Variants in PHF21B observed in about 807,000 individuals in gnomAD.
The protein encoded by PHF21B is PHD finger protein 21B.
In PHF21B, 22 loss-of-function variants were observed where a neutral mutation model predicts 62.2. The observed-to-expected ratio is 0.35, with a 90% confidence interval of 0.25 to 0.51. The LOEUF (loss-of-function observed/expected upper bound fraction) is 0.51. Among genes scored for constraint, PHF21B ranks in the 20% least tolerant of loss-of-function variants. PHF21B has a pLI of 0.97. For missense variants in PHF21B, 701 were observed against 707.9 expected, an observed-to-expected ratio of 0.99 and a Z score of 0.11; for synonymous variants, 341 against 314.7, an observed-to-expected ratio of 1.08 and a Z score of -0.88.
chr22:44,943,726 C>T (rs935333614), intron 2 of PHF21B, among the ~76,000 whole-genome samples: 5 of 152,104 alleles, frequency 3.3e-5, no homozygotes, highest in East Asian at 1.9e-4. Context: ...ACTCCTGGGC[C>T]GTGTGACACT....
intron 2 of PHF21B, among the ~76,000 whole-genome samples, chr22:44,938,121 A>G (rs1183741090): frequency 6.6e-6 from 1 of 152,214 alleles, no homozygotes; most frequent in Admixed American, 6.5e-5. Context: ...GTCACCCAGG[A>G]TGGAGTGTAG....
intron 2 of PHF21B, among the ~76,000 whole-genome samples, chr22:44,975,441 C>T (rs9614997): frequency 6.6e-6 from 1 of 152,334 alleles, no homozygotes; most frequent in Non-Finnish European, 1.5e-5. Flanking sequence ...GGAGAGCAGG[C>T]GTCCCTCTAG....
At chr22:44,987,302 G>A (rs1013579767) in intron 2 of PHF21B, among the ~76,000 whole-genome samples, 1 of 150,888 alleles carries the variant, frequency 6.6e-6, no homozygotes, top group Non-Finnish European at 1.5e-5. Context: ...AACTAGCAAA[G>A]AGGTGAGAAG....
At chr22:44,937,486 G>A (rs1375368348) in intron 2 of PHF21B, among the ~76,000 whole-genome samples, 1 of 152,194 alleles carries the variant, frequency 6.6e-6, no homozygotes, top group Non-Finnish European at 1.5e-5. Context: ...GCAGGAGTGG[G>A]AGGCAGTGCG....
chr22:44,920,748 G>T (rs181391807), intron 2 of PHF21B, among the ~76,000 whole-genome samples: 1 of 152,196 alleles, frequency 6.6e-6, no homozygotes, highest in Non-Finnish European at 1.5e-5. Flanking sequence ...TCTTTTAAGT[G>T]AATTTTTTAT....
At chr22:44,987,709 C>G (rs1180370804) in intron 2 of PHF21B, among the ~76,000 whole-genome samples, 1 of 151,980 alleles carries the variant, frequency 6.6e-6, no homozygotes, top group Non-Finnish European at 1.5e-5. Context: ...CTCTTGAGGG[C>G]AGGCATTGAG....
chr22:44,973,841 C>A (rs1323849719), intron 2 of PHF21B, among the ~76,000 whole-genome samples: 1 of 152,194 alleles, frequency 6.6e-6, no homozygotes, highest in Non-Finnish European at 1.5e-5. Context: ...TAGCCCAGCA[C>A]TGGGAAGTCA....
chr22:44,990,492 G>T (rs896980923), intron 2 of PHF21B, among the ~76,000 whole-genome samples: 17 of 152,232 alleles, frequency 1.1e-4, no homozygotes, highest in African/African-American at 3.9e-4. Context: ...AAAAAGGAAG[G>T]AAGTTCTGAC....
At chr22:44,917,206 G>C (rs1364987966) in intron 3 of PHF21B, among the ~76,000 whole-genome samples, 2 of 152,238 alleles carry the variant, frequency 1.3e-5, no homozygotes, top group Non-Finnish European at 2.9e-5. Context: ...TCAGGCCAGG[G>C]CTCTGGACAG....
intron 2 of PHF21B, among the ~76,000 whole-genome samples, chr22:44,950,295 T>C (rs575175831): frequency 2.6e-5 from 4 of 152,354 alleles, no homozygotes; most frequent in African/African-American, 9.6e-5. Context: ...GACTCATTAA[T>C]CCCCTCTAAC....
At chr22:45,007,452 CGCGGGGGCGG>C in intron 2 of PHF21B, among the ~76,000 whole-genome samples, 1 of 144,406 alleles carries the variant, frequency 6.9e-6, no homozygotes, top group South Asian at 2.2e-4. Context: ...GGCGGGGGCG[CGCGGGGGCGG>C]GCCCGGAGCT....
At chr22:44,958,227 C>T (rs886097537) in intron 2 of PHF21B, among the ~76,000 whole-genome samples, 5 of 151,970 alleles carry the variant, frequency 3.3e-5, no homozygotes, top group Admixed American at 6.6e-5. Context: ...TTTGAGTGCA[C>T]GACTCTGCTG....
chr22:44,994,843 A>G (rs981116401), intron 2 of PHF21B, among the ~76,000 whole-genome samples: 9 of 152,356 alleles, frequency 5.9e-5, no homozygotes, highest in Admixed American at 2.0e-4. Flanking sequence ...AATTAGTGTC[A>G]TTACAGAAAA....
At chr22:44,971,790 AC>A (rs1353114532) in intron 2 of PHF21B, among the ~76,000 whole-genome samples, 1 of 151,336 alleles carries the variant, frequency 6.6e-6, no homozygotes, top group Non-Finnish European at 1.5e-5. Flanking sequence ...CTTTGCACTG[AC>A]CCCTCCCGCA....
chr22:44,951,195 T>C (rs934841086), intron 2 of PHF21B, among the ~76,000 whole-genome samples: 1 of 152,210 alleles, frequency 6.6e-6, no homozygotes, highest in African/African-American at 2.4e-5. Flanking sequence ...CTAATGCTTA[T>C]CTGTATTTGC....
intron 2 of PHF21B, among the ~76,000 whole-genome samples, chr22:44,921,807 C>T (rs141724670): frequency 1.5e-4 from 23 of 150,660 alleles, no homozygotes; most frequent in African/African-American, 2.7e-4. Context: ...TACAGGCGCC[C>T]GCCACCACGC....
chr22:44,933,047 C>A (rs2071772490), intron 2 of PHF21B, among the ~76,000 whole-genome samples: 1 of 152,140 alleles, frequency 6.6e-6, no homozygotes, highest in African/African-American at 2.4e-5. Flanking sequence ...TCCTCGGGGA[C>A]AGACTTCTGG....
chr22:44,914,764 C>A (rs115677380), intron 4 of PHF21B, among the ~76,000 whole-genome samples: 1 of 152,210 alleles, frequency 6.6e-6, no homozygotes, highest in Non-Finnish European at 1.5e-5. Flanking sequence ...CTTAGCCAGC[C>A]TGCCTCGAGG....
chr22:44,935,471 G>A (rs530183216), intron 2 of PHF21B, among the ~76,000 whole-genome samples: 5 of 152,096 alleles, frequency 3.3e-5, no homozygotes, highest in African/African-American at 4.8e-5. Flanking sequence ...AAAATTAGCC[G>A]GGCGTGGTGG....
Sources: allele counts gnomAD v4.1 joint callset (sites outside exome capture counted in the v4.1 genomes callset), GRCh38; gene constraint gnomAD v4.1.1; transcripts MANE v1.5; gene names NCBI Gene and HGNC (gene_info 2026-07-23, HGNC 2026-07-21).